SORCS3: variants seen among roughly 807,000 people sequenced by gnomAD.
SORCS3 encodes sortilin related VPS10 domain containing receptor 3.
In SORCS3, 57 loss-of-function variants were observed where a neutral mutation model predicts 146.3. That is an observed-to-expected ratio of 0.39 (90% CI 0.31 to 0.49). The LOEUF (loss-of-function observed/expected upper bound fraction) is 0.49. SORCS3 is among the 20% of genes least tolerant of loss of function. The pLI, the probability that SORCS3 is intolerant of heterozygous loss-of-function variation, is 0.92. For missense variants in SORCS3, 1,341 were observed against 1,575.5 expected (o/e 0.85, Z 2.52); for synonymous variants, 653 against 618.5 (o/e 1.06, Z -0.83).
intron 1 of SORCS3, among the ~76,000 whole-genome samples, chr10:104,669,026 G>C (rs951896): frequency 0.07 from 10,717 of 152,262 alleles, 523 homozygotes; most frequent in Middle Eastern, 0.095. Flanking sequence ...CACTTCAGCA[G>C]AGAGAAGTGT....
intron 4 of SORCS3, among the ~76,000 whole-genome samples, chr10:104,985,715 A>G (rs2054958169): frequency 6.6e-6 from 1 of 152,210 alleles, no homozygotes; most frequent in African/African-American, 2.4e-5. Flanking sequence ...TATTGTGTTA[A>G]CAGTCATGAA....
intron 13 of SORCS3, among the ~76,000 whole-genome samples, chr10:105,168,522 T>C (rs1368380362): frequency 1.3e-5 from 2 of 152,236 alleles, no homozygotes; most frequent in South Asian, 2.1e-4. Flanking sequence ...TAGAGTACAG[T>C]TGGTCGGATT....
chr10:105,195,799 T>C (rs1017074803), intron 14 of SORCS3, among the ~76,000 whole-genome samples: 1 of 152,188 alleles, frequency 6.6e-6, no homozygotes, highest in Non-Finnish European at 1.5e-5. Context: ...ACTGATCTTA[T>C]TTGGGGCCCA....
At chr10:104,862,057 C>A (rs1412178087) in intron 2 of SORCS3, among the ~76,000 whole-genome samples, 1 of 152,202 alleles carries the variant, frequency 6.6e-6, no homozygotes, top group East Asian at 1.9e-4. Flanking sequence ...ACATCTGCAA[C>A]AACTTTGTTT....
intron 4 of SORCS3, among the ~76,000 whole-genome samples, chr10:105,021,758 T>C (rs2055199658): frequency 6.6e-6 from 1 of 152,210 alleles, no homozygotes; most frequent in Admixed American, 6.5e-5. Flanking sequence ...GTCTCCATTC[T>C]GCTTTAGAGC....
At chr10:105,219,712 T>G (rs2056687453) in intron 19 of SORCS3, among the ~76,000 whole-genome samples, 1 of 152,188 alleles carries the variant, frequency 6.6e-6, no homozygotes, top group African/African-American at 2.4e-5. Context: ...ACCTGACATT[T>G]TTGCTGCATT....
At chr10:104,729,365 T>A (rs2016680622) in intron 1 of SORCS3, among the ~76,000 whole-genome samples, 1 of 152,220 alleles carries the variant, frequency 6.6e-6, no homozygotes, top group Non-Finnish European at 1.5e-5. Flanking sequence ...AGTACATTTT[T>A]AATGAAGCAA....
intron 6 of SORCS3, among the ~76,000 whole-genome samples, chr10:105,098,592 C>T (rs2055762612): frequency 6.6e-6 from 1 of 152,172 alleles, no homozygotes; most frequent in African/African-American, 2.4e-5. Context: ...AGCTGTGGAA[C>T]TTAGGCAAAT....
intron 1 of SORCS3, among the ~76,000 whole-genome samples, chr10:104,749,145 C>A (rs559017418): frequency 6.6e-6 from 1 of 151,910 alleles, no homozygotes; most frequent in African/African-American, 2.4e-5. Flanking sequence ...TGTGATTTTA[C>A]TTCTTGTTTT....
chr10:104,982,362 C>T (rs972722840), intron 4 of SORCS3, among the ~76,000 whole-genome samples: 2 of 152,152 alleles, frequency 1.3e-5, no homozygotes, highest in African/African-American at 4.8e-5. Context: ...TCATTTAAAA[C>T]CCTCAGATTA....
Position 104,940,204 on chromosome 10 carries a change from TTATATATATATATATA to T in SORCS3, c.795+24292_795+24307del, listed in dbSNP as rs71022748. Among the ~76,000 whole-genome samples, 83 of 53,020 alleles carry T rather than the reference TTATATATATATATATA, an allele frequency of 1.6e-3. 5 individuals are homozygous for T. The East Asian group carries it at 0.023, about 15-fold the overall frequency. The allele number at this position is 53,020 out of a possible 152,430, so 34.8% of individuals were successfully genotyped here. A position where few individuals can be genotyped will look rare whatever the true frequency, so the allele number is the denominator to read the frequency against. Reference sequence around the variant, plus strand: ...ACCGAGAGTTCCTCTTCCTTTTCTTTTATATATATATATATATATATATATATATATATATTTTTTT... The same window carrying T: ...ACCGAGAGTTCCTCTTCCTTTTCTTTTATATATATATATATATATTTTTTT... On this transcript the variant is annotated intron_variant, in intron 3 of 26. Coordinates refer to ENST00000369701, the MANE Select transcript of SORCS3 (RefSeq NM_014978.3).
At chr10:105,098,511 C>T (rs760830935) in intron 6 of SORCS3, among the ~76,000 whole-genome samples, 2 of 152,064 alleles carry the variant, frequency 1.3e-5, no homozygotes, top group African/African-American at 2.4e-5. Context: ...GTTTAAAATA[C>T]GTAAAGGTTA....
At chr10:104,966,645 G>A (rs1184536424) in intron 3 of SORCS3, among the ~76,000 whole-genome samples, 1 of 152,110 alleles carries the variant, frequency 6.6e-6, no homozygotes, top group East Asian at 1.9e-4. Flanking sequence ...TTAATAGACT[G>A]CACAAAGGAA....
At chr10:104,751,208 G>T (rs1159856548) in intron 1 of SORCS3, among the ~76,000 whole-genome samples, 1 of 152,120 alleles carries the variant, frequency 6.6e-6, no homozygotes, top group Non-Finnish European at 1.5e-5. Context: ...AGATAAATTT[G>T]GGGTCAAAAT....
intron 20 of SORCS3, among the ~76,000 whole-genome samples, chr10:105,240,596 C>T (rs184011811): frequency 6.6e-6 from 1 of 152,240 alleles, no homozygotes; most frequent in South Asian, 2.1e-4. Flanking sequence ...CACCTATATT[C>T]TTTGTCCTAA....
At chr10:104,793,762 G>A (rs554965707) in intron 1 of SORCS3, among the ~76,000 whole-genome samples, 1 of 152,316 alleles carries the variant, frequency 6.6e-6, no homozygotes, top group Non-Finnish European at 1.5e-5. Flanking sequence ...ACATATGATT[G>A]AAGTATACCT....
intron 3 of SORCS3, among the ~76,000 whole-genome samples, chr10:104,947,813 G>A (rs574176070): frequency 6.6e-6 from 1 of 152,164 alleles, no homozygotes; most frequent in Admixed American, 6.5e-5. Flanking sequence ...AGTAGAGTCA[G>A]GGTTTCACCA....
At chr10:104,843,714 T>C (rs767237690) in intron 2 of SORCS3, among the ~76,000 whole-genome samples, 18 of 152,354 alleles carry the variant, frequency 1.2e-4, no homozygotes, top group Middle Eastern at 3.4e-3. Flanking sequence ...CTTACGCCTA[T>C]ACCTCCTCAC....
At chr10:105,076,501 AT>A (rs2055590279) in intron 5 of SORCS3, among the ~76,000 whole-genome samples, 1 of 152,048 alleles carries the variant, frequency 6.6e-6, no homozygotes, top group South Asian at 2.1e-4. Context: ...CAACCCCACC[AT>A]CCACCCTGGC....
Sources: gnomAD v4.1 joint callset for allele counts (sites outside exome capture counted in the v4.1 genomes callset) on GRCh38, gnomAD v4.1.1 for gene constraint, MANE v1.5 for transcripts, NCBI Gene and HGNC (gene_info 2026-07-23, HGNC 2026-07-21) for gene names.